Variants in WRN observed in about 807,000 individuals in gnomAD.
WRN encodes the protein bifunctional 3'-5' exonuclease/ATP-dependent helicase WRN.
A neutral mutation model predicts 180.7 loss-of-function variants in WRN; 149 were observed. The ratio of observed to expected loss-of-function variants is 0.82; its 90% CI spans 0.72 to 0.94. WRN has a LOEUF of 0.94. Among genes scored for constraint, WRN ranks in the 40% least tolerant of loss-of-function variants. WRN has a pLI of 0.00. For synonymous variants in WRN, 548 were observed against 568.9 expected, an observed-to-expected ratio of 0.96 and a Z score of 0.52; for missense variants, 1,661 against 1,700.1, an observed-to-expected ratio of 0.98 and a Z score of 0.40.
intron 15 of WRN, among the ~76,000 whole-genome samples, chr8:31,091,167 A>G (rs924028674): frequency 1.3e-5 from 2 of 152,122 alleles, no homozygotes; most frequent in African/African-American, 4.8e-5. Context: ...ATTTTTTTAA[A>G]AAACATTATT....
chr8:31,090,426 T>C, intron 13 of WRN, 39 bp from the exon 14 acceptor site: 1 of 1,584,174 alleles, frequency 6.3e-7, no homozygotes, highest in Non-Finnish European at 8.7e-7. Flanking sequence ...GGGTTTCTTA[T>C]TAATAAAACA....
At chr8:31,114,411 G>A (rs995119058) in intron 19 of WRN, among the ~76,000 whole-genome samples, 2 of 152,124 alleles carry the variant, frequency 1.3e-5, no homozygotes, top group Admixed American at 6.5e-5. Context: ...GGAAATAAAA[G>A]TCTGTAGCAA....
At chr8:31,073,239 T>C (rs574706000) in intron 7 of WRN, among the ~76,000 whole-genome samples, 1 of 152,340 alleles carries the variant, frequency 6.6e-6, no homozygotes, top group East Asian at 1.9e-4. Context: ...GCCCAAGCAA[T>C]AGACAATAAT....
chr8:31,124,687 AT>A, intron 22 of WRN, 64 bp downstream of exon 22: 1 of 1,455,944 alleles, frequency 6.9e-7, no homozygotes, highest in Non-Finnish European at 9.6e-7. Flanking sequence ...TAAGACAACA[AT>A]TTGGCTAAAT....
In WRN at chr8:31,157,860, TG is replaced by T. The variant is rs577834237; in HGVS notation, c.3982+333del. 7.9e-5 allele frequency among the ~76,000 whole-genome samples: 12 copies of T among 152,248 alleles called. No individual in the cohort carries two copies. In the East Asian group the frequency reaches 2.1e-3, roughly 27 times the overall value. On this transcript the variant is annotated intron_variant, in intron 33 of 34. Coordinates refer to ENST00000298139, the MANE Select transcript of WRN (RefSeq NM_000553.6). ...CTCTTGCCTCAGCTTCCTGAGTAGC[TG>T]GGACTACAGGCGTGTGCCACCATGC...
chr8:31,053,932 GT>G (rs1812170750), intron 1 of WRN, among the ~76,000 whole-genome samples: 1 of 152,080 alleles, frequency 6.6e-6, no homozygotes, highest in Non-Finnish European at 1.5e-5. Context: ...AAATTAACAT[GT>G]TTCTTAATTA....
chr8:31,142,696 A>G lies in WRN; in HGVS notation c.3304A>G (p.Lys1102Glu). 6.2e-7 allele frequency: 1 copy of G among 1,602,024 alleles called. No homozygotes were observed. The change falls in exon 27 of 35, where the codon AAG (lysine) becomes GAG (glutamate). Residue 1102 changes from lysine (K) to glutamate (E), a missense_variant. Lys to Glu is a moderately conservative substitution (Grantham distance 56, BLOSUM62 1). Around this residue, in one of 3 missense-constraint regions of WRN, gnomAD observed 1,141 missense variants for 1,149.4 expected, o/e 0.99. Transcript: ENST00000298139. ...AGTACCAGTTGAATTAAGTACAGAGAAGAAGGTTTGTTTTAAAGAAATTGT... is the reference window on the plus strand; with the variant it reads ...AGTACCAGTTGAATTAAGTACAGAGGAGAAGGTTTGTTTTAAAGAAATTGT... ...NQVPVELSTE[K>E]KSNLEKLYSY...
intron 30 of WRN, among the ~76,000 whole-genome samples, chr8:31,148,355 A>G (rs1478542287): frequency 6.6e-6 from 1 of 152,050 alleles, no homozygotes; most frequent in Non-Finnish European, 1.5e-5. Flanking sequence ...TCTCTGTTTC[A>G]TCTGATATAT....
At chr8:31,165,683 TA>T (rs1380967463) in intron 33 of WRN, among the ~76,000 whole-genome samples, 1 of 152,164 alleles carries the variant, frequency 6.6e-6, no homozygotes, top group African/African-American at 2.4e-5. Context: ...TTAGCTTTTG[TA>T]AAATTTACTG....
At chr8:31,165,237 T>A (rs1027863336) in intron 33 of WRN, among the ~76,000 whole-genome samples, 4 of 152,054 alleles carry the variant, frequency 2.6e-5, no homozygotes, top group African/African-American at 9.6e-5. Flanking sequence ...AAAAATTGGT[T>A]TATAAATATT....
chr8:31,034,305 A>G (rs1387869854), intron 1 of WRN, among the ~76,000 whole-genome samples: 3 of 152,212 alleles, frequency 2.0e-5, no homozygotes, highest in Admixed American at 6.5e-5. Flanking sequence ...TGCACAGCAA[A>G]GTCGAGGGAA....
intron 34 of WRN, among the ~76,000 whole-genome samples, chr8:31,168,934 T>C (rs1273624794): frequency 1.3e-5 from 2 of 152,198 alleles, no homozygotes; most frequent in East Asian, 1.9e-4. Flanking sequence ...TGTCTTGGCA[T>C]TGATAATTCT....
chr8:31,151,627 T>G (rs1803132959), intron 31 of WRN, among the ~76,000 whole-genome samples: 1 of 152,218 alleles, frequency 6.6e-6, no homozygotes, highest in African/African-American at 2.4e-5. Flanking sequence ...AGTAGTATCT[T>G]CTTTCATGAA....
rs918932086 is a variant in WRN, at chr8:31,147,236, A to G, written c.3459+108A>G. 4.7e-6 allele frequency: 7 copies of G among 1,476,754 alleles called. No homozygotes were observed. In the African/African-American group the frequency reaches 9.8e-5, roughly 21 times the overall value. 91.5% of individuals were successfully genotyped at this position (1,476,754 alleles called of 1,614,324 possible). A position where few individuals can be genotyped will look rare whatever the true frequency, so the allele number is the denominator to read the frequency against. On this transcript the variant is annotated intron_variant, in intron 29 of 34. Transcript: ENST00000298139. Reference sequence around the variant, plus strand: ...CATTTTAAAAATTGTTCTTAAGCTAAGAGTCTGAGTTTATATTTCAGTTTA... The same window carrying G: ...CATTTTAAAAATTGTTCTTAAGCTAGGAGTCTGAGTTTATATTTCAGTTTA...
chr8:31,101,621 T>C (rs1800861677), intron 18 of WRN, among the ~76,000 whole-genome samples: 1 of 151,734 alleles, frequency 6.6e-6, no homozygotes, highest in Non-Finnish European at 1.5e-5. Context: ...ACCCTGTCTC[T>C]ACTAAAAATA....
chr8:31,161,377 A>G (rs1357044550), intron 33 of WRN, among the ~76,000 whole-genome samples: 1 of 152,164 alleles, frequency 6.6e-6, no homozygotes, highest in Non-Finnish European at 1.5e-5. Flanking sequence ...AAACAAACCT[A>G]GATGGTATGG....
chr8:31,073,272 A>G (rs989249106), intron 7 of WRN, among the ~76,000 whole-genome samples: 12 of 152,354 alleles, frequency 7.9e-5, no homozygotes, highest in East Asian at 3.9e-4. Flanking sequence ...GCGGGTAGCA[A>G]TAGAGGTGAT....
At chr8:31,096,598 G>A (rs1281938199) in intron 16 of WRN, among the ~76,000 whole-genome samples, 170 bp from the exon 17 acceptor site, 1 of 151,956 alleles carries the variant, frequency 6.6e-6, no homozygotes, top group African/African-American at 2.4e-5. Context: ...AGCATTCTCT[G>A]CATATATATA....
In WRN at chr8:31,058,407, A is replaced by G; in HGVS notation, c.-41A>G. ...GATATTGTTTTGTATTTACCCATGA[A>G]GACATTGTTTTTTGGACTCTGCAAA... On this transcript the variant is annotated 5_prime_UTR_variant, in exon 2 of 35. Coordinates refer to ENST00000298139, the MANE Select transcript of WRN (RefSeq NM_000553.6). The G allele has an allele frequency of 6.5e-7, 1 of 1,546,386 alleles. No individual in the cohort carries two copies. Among genetic ancestry groups the G allele is most frequent in the Non-Finnish European group, 8.9e-7 (1 of 1,121,384 alleles).
Sources: gnomAD v4.1 joint callset for allele counts (sites outside exome capture counted in the v4.1 genomes callset) on GRCh38, gnomAD v4.1.1 for gene constraint, gnomAD v4.1.1 regional missense constraint, MANE v1.5 for transcripts, NCBI Gene and HGNC (gene_info 2026-07-23, HGNC 2026-07-21) for gene names.